APPBP2: variants seen among roughly 807,000 people sequenced by gnomAD.
The protein encoded by APPBP2 is amyloid protein-binding protein 2.
A neutral mutation model predicts 76.0 loss-of-function variants in APPBP2; 15 were observed. The ratio of observed to expected loss-of-function variants is 0.20; its 90% confidence interval spans 0.13 to 0.30. APPBP2 has a LOEUF of 0.30. Ranked by LOEUF, APPBP2 falls within the 10% of genes least tolerant of loss-of-function variation. APPBP2 has a pLI of 1.00. For missense variants in APPBP2, 401 were observed against 687.2 expected (o/e 0.58, Z 4.66); for synonymous variants, 222 against 242.2 (o/e 0.92, Z 0.77).
At chr17:60,524,909 G>A (rs1216570794) in intron 1 of APPBP2, among the ~76,000 whole-genome samples, 1 of 152,204 alleles carries the variant, frequency 6.6e-6, no homozygotes, top group Non-Finnish European at 1.5e-5. Flanking sequence ...ATTCAAATGT[G>A]GGGGAGAGAA....
At chr17:60,462,113 A>G (rs750053107) in intron 6 of APPBP2, 52 bp from the exon 7 acceptor site, 3 of 1,355,870 alleles carry the variant, frequency 2.2e-6, no homozygotes, top group Admixed American at 1.7e-5. Flanking sequence ...TTAGTGTGCT[A>G]AAATACGTGT....
At chr17:60,503,646 A>C (rs927727896) in intron 1 of APPBP2, among the ~76,000 whole-genome samples, 1 of 146,568 alleles carries the variant, frequency 6.8e-6, no homozygotes, top group South Asian at 2.1e-4. Context: ...TTAGCCTCCC[A>C]ATGTGCTGGG....
At chr17:60,462,179 A>G (rs2090480470) in intron 6 of APPBP2, 118 bp from the exon 7 acceptor site, 1 of 757,590 alleles carries the variant, frequency 1.3e-6, no homozygotes, top group African/African-American at 1.8e-5. Flanking sequence ...CCAAACATAA[A>G]TACAAAGGTT....
rs2090329180 is a variant in APPBP2 at position 60,444,448 on chromosome 17, G to C, written c.*3133C>G. ...TGCACTATTAAGGAGCAGCCAAATG[G>C]CACCTTCATTATTTCTAAGATCGCA... On this transcript the variant is annotated 3_prime_UTR_variant, in exon 13 of 13. Coordinates refer to ENST00000083182, the MANE Select transcript of APPBP2 (RefSeq NM_006380.5). The C allele has an allele frequency of 6.6e-6, 1 of 151,962 alleles. No homozygotes were observed. Among genetic ancestry groups the C allele is most frequent in the African/African-American group, 2.4e-5 (1 of 41,400 alleles). 9.4% of individuals were successfully genotyped at this position (151,962 alleles called of 1,614,324 possible). A position where few individuals can be genotyped will look rare whatever the true frequency, so the allele number is the denominator to read the frequency against.
chr17:60,447,928 CAG>C (rs1016137162), intron 12 of APPBP2, 94 bp from the exon 13 acceptor site: 2 of 1,221,974 alleles, frequency 1.6e-6, no homozygotes, highest in Non-Finnish European at 2.3e-6. Flanking sequence ...ATTCTTTAAA[CAG>C]GGTGGCTTAG....
At chr17:60,484,740 G>A (rs1399663421) in intron 3 of APPBP2, among the ~76,000 whole-genome samples, 2 of 152,086 alleles carry the variant, frequency 1.3e-5, no homozygotes, top group East Asian at 1.9e-4. Flanking sequence ...TGACCGCCCT[G>A]GCCAGAACTT....
intron 1 of APPBP2, among the ~76,000 whole-genome samples, chr17:60,516,181 A>C (rs557844320): frequency 8.5e-5 from 13 of 152,200 alleles, no homozygotes; most frequent in East Asian, 3.9e-4. Context: ...AAAACAAAAA[A>C]AAAACAAACA....
chr17:60,493,673 C>T (rs2090750182), intron 3 of APPBP2, among the ~76,000 whole-genome samples: 1 of 149,434 alleles, frequency 6.7e-6, no homozygotes, highest in Non-Finnish European at 1.5e-5. Flanking sequence ...ACAGAGTCTC[C>T]CTGTTACCCA....
intron 10 of APPBP2, 78 bp downstream of exon 10, chr17:60,456,218 A>G: frequency 9.8e-7 from 1 of 1,023,526 alleles, no homozygotes; most frequent in Non-Finnish European, 1.5e-6. Context: ...CAATCCTCTG[A>G]GAAAATAAAC....
chr17:60,448,835 T>G (rs2090369844), intron 12 of APPBP2, among the ~76,000 whole-genome samples: 1 of 151,936 alleles, frequency 6.6e-6, no homozygotes, highest in South Asian at 2.1e-4. Flanking sequence ...CCATAGTGAG[T>G]GGGTGGGAAC....
chr17:60,450,618 A>T (rs1297215320), intron 12 of APPBP2, among the ~76,000 whole-genome samples: 1 of 150,958 alleles, frequency 6.6e-6, no homozygotes, highest in Non-Finnish European at 1.5e-5. Context: ...GAAACAATAA[A>T]AAAAAAAAAA....
At chr17:60,490,685 C>T (rs2090721214) in intron 3 of APPBP2, among the ~76,000 whole-genome samples, 1 of 152,110 alleles carries the variant, frequency 6.6e-6, no homozygotes. Context: ...TCCCATAATT[C>T]CCACATTATG....
At chr17:60,524,603 T>C (rs1490439188) in intron 1 of APPBP2, among the ~76,000 whole-genome samples, 1 of 100,516 alleles carries the variant, frequency 9.9e-6, no homozygotes, top group African/African-American at 4.0e-5. Flanking sequence ...CATCAACTGC[T>C]AATTCTGAAA....
At chr17:60,490,138 G>A (rs73328449) in intron 3 of APPBP2, among the ~76,000 whole-genome samples, 116 of 152,260 alleles carry the variant, frequency 7.6e-4, no homozygotes, top group African/African-American at 2.6e-3. Context: ...GTGGTTGTAC[G>A]ACTCTACATG....
At chr17:60,480,279 G>C (rs2143384160) in intron 3 of APPBP2, among the ~76,000 whole-genome samples, 1 of 152,208 alleles carries the variant, frequency 6.6e-6, no homozygotes, top group East Asian at 1.9e-4. Context: ...AGGCTGGGGT[G>C]GGAGAATGGC....
chr17:60,497,989 A>C (rs1009430314), intron 2 of APPBP2, among the ~76,000 whole-genome samples: 2 of 151,956 alleles, frequency 1.3e-5, no homozygotes, highest in African/African-American at 4.8e-5. Context: ...AAATACAAAA[A>C]ATTACCCAGG....
rs754078000 is a variant in APPBP2, at chr17:60,460,707, A to G, written c.1017T>C (p.Ser339=). Reference sequence around the variant, plus strand: ...CAGAGCTATACTGGTGGACATAAGAAGAGTAGGCCAAATCTTCATGAGCTG... The same window carrying G: ...CAGAGCTATACTGGTGGACATAAGAGGAGTAGGCCAAATCTTCATGAGCTG... The part of the protein sequence containing the change: ...VATAHEDLAY[S]SYVHQYSSGK... Residue 339 remains serine, a synonymous_variant, in exon 9 of 13, where the codon TCT becomes TCC. Transcript: ENST00000083182. The G allele has an allele frequency of 3.7e-6, 6 of 1,613,670 alleles. No individual in the cohort carries two copies. The African/African-American group carries it at 6.7e-5, about 18-fold the overall frequency.
At chr17:60,490,598 T>C (rs535052992) in intron 3 of APPBP2, among the ~76,000 whole-genome samples, 1 of 152,246 alleles carries the variant, frequency 6.6e-6, no homozygotes, top group East Asian at 1.9e-4. Flanking sequence ...GAGCCCAAGT[T>C]TGAAGTTACA....
chr17:60,494,971 T>C (rs1429586466), intron 2 of APPBP2, among the ~76,000 whole-genome samples: 12,243 of 150,208 alleles, frequency 0.082, 1,633 homozygotes, highest in African/African-American at 0.28. Context: ...AAGAGTTTTT[T>C]TTGTTTTGTT....
Sources: allele counts gnomAD v4.1 joint callset (sites outside exome capture counted in the v4.1 genomes callset), GRCh38; gene constraint gnomAD v4.1.1; transcripts MANE v1.5; gene names NCBI Gene and HGNC (gene_info 2026-07-23, HGNC 2026-07-21).